The following CIMAP1C variants were observed in gnomAD, a reference collection of about 807,000 sequenced individuals.
CIMAP1C encodes the protein outer dense fiber of sperm tails 3 like 1.
chr15:75,725,309 G>T, the CIMAP1C span: 13 of 1,038,910 alleles, frequency 1.3e-5, no homozygotes, highest in African/African-American at 2.0e-4. Context: ...TGTAGCCACT[G>T]GGAATCTGAG....
At chr15:75,727,337 G>A in the CIMAP1C span, 2 of 1,614,090 alleles carry the variant, frequency 1.2e-6, no homozygotes, top group African/African-American at 1.3e-5. Context: ...CGCCCGACCT[G>A]AGCCATCCAT....
At chr15:75,727,601 G>T in the CIMAP1C span, 2 of 1,494,730 alleles carry the variant, frequency 1.3e-6, no homozygotes, top group South Asian at 2.7e-5. Flanking sequence ...ACACCAAATT[G>T]AGCAATTTGA....
At chr15:75,727,392 C>T in the CIMAP1C span, 1 of 1,614,092 alleles carries the variant, frequency 6.2e-7, no homozygotes, top group Non-Finnish European at 8.5e-7. Flanking sequence ...AAGCGCTTCG[C>T]CTACCCTCTG....
the CIMAP1C span, among the ~76,000 whole-genome samples, chr15:75,726,724 T>C: frequency 6.6e-6 from 1 of 152,122 alleles, no homozygotes; most frequent in African/African-American, 2.4e-5. Flanking sequence ...GGAGTGATTC[T>C]CCTGCCTCAG....
At chr15:75,727,686 G>GT in the CIMAP1C span, 1 of 870,516 alleles carries the variant, frequency 1.1e-6, no homozygotes, top group Non-Finnish European at 1.7e-6. Context: ...ACATTTTCAT[G>GT]TATTTGTTTT....
At chr15:75,727,187 C>T in the CIMAP1C span, 1 of 1,614,172 alleles carries the variant, frequency 6.2e-7, no homozygotes, top group East Asian at 2.2e-5. Context: ...CAACCCGGCT[C>T]CCAACCAGTA....
chr15:75,724,076 T>A, the CIMAP1C span: 1 of 669,338 alleles, frequency 1.5e-6, no homozygotes, highest in Non-Finnish European at 2.7e-6. Flanking sequence ...AGAACTGTCT[T>A]CCTTCCCAGC....
chr15:75,727,331 C>A, the CIMAP1C span: 1 of 1,614,124 alleles, frequency 6.2e-7, no homozygotes. Flanking sequence ...CACGTACGCC[C>A]GACCTGAGCC....
chr15:75,725,115 GC>G, the CIMAP1C span: 1 of 1,613,482 alleles, frequency 6.2e-7, no homozygotes, highest in Non-Finnish European at 8.5e-7. Flanking sequence ...CAGGTCCGGG[GC>G]CCGCCAAGTA....
At chr15:75,724,456 A>G in the CIMAP1C span, 1,364 of 671,726 alleles carry the variant, frequency 2.0e-3, 11 homozygotes, top group African/African-American at 0.02. Context: ...CCTCACAGGC[A>G]GTGTTGGCTG....
At chr15:75,727,037 CCTTCCCG>C in the CIMAP1C span, 43 of 1,601,122 alleles carry the variant, frequency 2.7e-5, no homozygotes, top group Non-Finnish European at 7.7e-6. Context: ...GAGAGCCCTC[CCTTCCCG>C]CCACTCCCTT....
At chr15:75,725,071 G>A in the CIMAP1C span, 3 of 1,444,496 alleles carry the variant, frequency 2.1e-6, no homozygotes, top group Non-Finnish European at 2.9e-6. Context: ...CTGACCTGGT[G>A]GGCCCAGGCT....
the CIMAP1C span, chr15:75,724,041 A>G: frequency 1.5e-5 from 9 of 589,812 alleles, no homozygotes; most frequent in East Asian, 2.5e-4. Context: ...ACTGTGCCCC[A>G]GACAGCCTTA....
chr15:75,725,341 TC>T, the CIMAP1C span: 1 of 761,126 alleles, frequency 1.3e-6, no homozygotes, highest in Non-Finnish European at 2.2e-6. Context: ...GCCCCCTGGG[TC>T]CAGAGGAAGC....
At chr15:75,726,440 C>T in the CIMAP1C span, among the ~76,000 whole-genome samples, 3 of 152,184 alleles carry the variant, frequency 2.0e-5, no homozygotes, top group African/African-American at 7.2e-5. Context: ...AGCTCACAGA[C>T]TGTAGTGATC....
chr15:75,725,404 C>T, the CIMAP1C span, among the ~76,000 whole-genome samples: 2 of 152,226 alleles, frequency 1.3e-5, no homozygotes, highest in African/African-American at 2.4e-5. Flanking sequence ...AGCCGCCTCT[C>T]CCAAGGGAGC....
chr15:75,727,375 C>T, the CIMAP1C span: 1 of 1,614,028 alleles, frequency 6.2e-7, no homozygotes, highest in African/African-American at 1.3e-5. Context: ...CTACTTACAG[C>T]ATGGCCAAGC....
At chr15:75,725,912 T>A in the CIMAP1C span, 1 of 610,884 alleles carries the variant, frequency 1.6e-6, no homozygotes, top group Non-Finnish European at 3.0e-6. Flanking sequence ...AAAAGTCCCA[T>A]TTTACAGATG....
At chr15:75,724,142 C>G in the CIMAP1C span, 16 of 1,146,686 alleles carry the variant, frequency 1.4e-5, no homozygotes, top group Admixed American at 2.4e-4. Context: ...TACTCTAGCC[C>G]CTTGACTGCT....
Sources: gnomAD v4.1 joint callset for allele counts (sites outside exome capture counted in the v4.1 genomes callset) on GRCh38, gnomAD v4.1.1 for gene constraint, MANE v1.5 for transcripts, NCBI Gene and HGNC (gene_info 2026-07-23, HGNC 2026-07-21) for gene names.